ZFY: variants seen among roughly 807,000 people sequenced by gnomAD.
ZFY encodes zinc finger Y-chromosomal protein.
For missense variants in ZFY, 113 were observed against 170.9 expected, an observed-to-expected ratio of 0.66 and a Z score of 1.89; for synonymous variants, 47 against 55.8, an observed-to-expected ratio of 0.84 and a Z score of 0.71.
intron 1 of ZFY, among the ~76,000 whole-genome samples, chrY:2,947,906 C>T (rs2051266670): frequency 3.0e-5 from 1 of 33,762 alleles, no homozygotes; most frequent in African/African-American, 1.2e-4. Flanking sequence ...CTTTTTACAT[C>T]CATTCCCTAA....
intron 3 of ZFY, among the ~76,000 whole-genome samples, chrY:2,972,530 A>T (rs769305198): frequency 3.0e-5 from 1 of 33,809 alleles, no homozygotes; most frequent in Non-Finnish European, 7.3e-5. Flanking sequence ...CAGAGATTTC[A>T]AAATCTAAAT....
chrY:2,939,983 C>T (rs765701160), intron 1 of ZFY, among the ~76,000 whole-genome samples: 1 of 33,380 alleles, frequency 3.0e-5, no homozygotes, highest in African/African-American at 1.2e-4. Flanking sequence ...GATTTGCTCC[C>T]CTAACAGAAT....
chrY:2,946,057 A>T, intron 1 of ZFY, among the ~76,000 whole-genome samples: 1 of 33,184 alleles, frequency 3.0e-5, no homozygotes, highest in Non-Finnish European at 7.4e-5. Flanking sequence ...ATAATTTTTT[A>T]AAAAACTAGA....
At chrY:2,969,184 A>G in intron 3 of ZFY, among the ~76,000 whole-genome samples, 1 of 33,846 alleles carries the variant, frequency 3.0e-5, no homozygotes, top group Non-Finnish European at 7.3e-5. Context: ...TGATGGAAGT[A>G]TTAAATAAGT....
At chrY:2,938,143 A>G (rs868628558) in intron 1 of ZFY, among the ~76,000 whole-genome samples, 2 of 11,941 alleles carry the variant, frequency 1.7e-4, no homozygotes, top group South Asian at 2.5e-3. Flanking sequence ...GCCCGCCACC[A>G]CGCCGGGCTA....
chrY:2,941,431 T>A, intron 1 of ZFY, among the ~76,000 whole-genome samples: 1 of 33,139 alleles, frequency 3.0e-5, no homozygotes, highest in Non-Finnish European at 7.4e-5. Flanking sequence ...TACCAAATTC[T>A]TTCCACATTG....
In ZFY at chrY:2,980,867, C is replaced by A; in HGVS notation, c.*874C>A. On this transcript the variant is annotated 3_prime_UTR_variant, in exon 8 of 8. Coordinates refer to ENST00000155093, the MANE Select transcript of ZFY (RefSeq NM_003411.4). Reference sequence around the variant, plus strand: ...ATTTTAAACTTATGATGAAAATTTACAATAACCTGAAAGATCCAGAGATGT... The same window carrying A: ...ATTTTAAACTTATGATGAAAATTTAAAATAACCTGAAAGATCCAGAGATGT... The A allele has an allele frequency of 3.0e-5, 1 of 33,129 alleles. No homozygotes were observed. The highest frequency in any genetic ancestry group is 2.8e-4 in the Admixed American group (1 of 3,528). The allele number at this position is 33,129 out of a possible 400,897, so 8.3% of individuals were successfully genotyped here. A position where few individuals can be genotyped will look rare whatever the true frequency, so the allele number is the denominator to read the frequency against.
chrY:2,942,019 T>G (rs993502680), intron 1 of ZFY, among the ~76,000 whole-genome samples: 2 of 30,981 alleles, frequency 6.5e-5, no homozygotes, highest in Non-Finnish European at 1.6e-4. Context: ...CATTTCACCA[T>G]GTTGGCAAGG....
At chrY:2,945,162 G>GCT (rs2051258190) in intron 1 of ZFY, among the ~76,000 whole-genome samples, 2 of 32,834 alleles carry the variant, frequency 6.1e-5, no homozygotes, top group Non-Finnish European at 1.5e-4. Context: ...CTAGAAATAT[G>GCT]TTTATAAATA....
chrY:2,949,826 G>A, intron 1 of ZFY, among the ~76,000 whole-genome samples: 1 of 29,761 alleles, frequency 3.4e-5, no homozygotes, highest in Non-Finnish European at 8.0e-5. Flanking sequence ...CTCCATCCTG[G>A]GTGACAGAGC....
At chrY:2,972,058 CA>C (rs771756819) in intron 3 of ZFY, among the ~76,000 whole-genome samples, 8 of 7,034 alleles carry the variant, frequency 1.1e-3, no homozygotes, top group Admixed American at 8.9e-3. Context: ...ACTCCTATCT[CA>C]AAAAAAAAAA....
At chrY:2,949,103 C>G (rs750419443) in intron 1 of ZFY, among the ~76,000 whole-genome samples, 1 of 31,679 alleles carries the variant, frequency 3.2e-5, no homozygotes, top group African/African-American at 1.2e-4. Flanking sequence ...CTTGCCTTTG[C>G]TATTTCAAGT....
chrY:2,953,921 A>G lies in ZFY; in HGVS notation c.-16A>G. 3 of 387,306 alleles carry G rather than the reference A, an allele frequency of 7.7e-6. No homozygotes were observed. The highest frequency in any genetic ancestry group is 1.1e-5 in the Non-Finnish European group (3 of 276,617). ...TTCCCTGGTTTAGGAGCTGTGACTA[A>G]TGAGAATTAAAGGCCATGGATGAAG... On this transcript the variant is annotated 5_prime_UTR_variant, in exon 2 of 8. It removes an upstream start codon present in the reference 5' UTR. Transcript: ENST00000155093.
chrY:2,959,868 CT>C (rs2051303234), intron 2 of ZFY, among the ~76,000 whole-genome samples: 52 of 20,840 alleles, frequency 2.5e-3, no homozygotes, highest in East Asian at 0.021. Context: ...CTTTCCTTTT[CT>C]TTTTTTTTTT....
chrY:2,960,155 T>C lies in ZFY; in HGVS notation c.62-919T>C, dbSNP rs2267801. The stretch of plus-strand genomic sequence containing the variant: ...TCTTGGTTAAGTCATTTGATCTCAG[T>C]GGGCTTTAACTGGCTCTCACCCTTC... On this transcript the variant is annotated intron_variant, in intron 2 of 7. Coordinates refer to ENST00000155093, the MANE Select transcript of ZFY (RefSeq NM_003411.4). 0.013 allele frequency among the ~76,000 whole-genome samples: 420 copies of C among 32,995 alleles called. No homozygotes were observed. In the East Asian group the frequency reaches 0.31, roughly 25 times the overall value. 88.5% of individuals were successfully genotyped at this position (32,995 alleles called of 37,273 possible).
At chrY:2,973,632 T>A (rs2051356103) in intron 3 of ZFY, among the ~76,000 whole-genome samples, 1 of 32,889 alleles carries the variant, frequency 3.0e-5, no homozygotes, top group Admixed American at 2.8e-4. Flanking sequence ...GACCAAACAT[T>A]GAAAAATCCA....
At chrY:2,948,167 C>T (rs772762030) in intron 1 of ZFY, among the ~76,000 whole-genome samples, 11 of 33,801 alleles carry the variant, frequency 3.3e-4, no homozygotes, top group Non-Finnish European at 8.1e-4. Context: ...GATTATGATA[C>T]GGAGTACTGA....
At chrY:2,947,874 A>T in intron 1 of ZFY, among the ~76,000 whole-genome samples, 1 of 34,068 alleles carries the variant, frequency 2.9e-5, no homozygotes, top group Non-Finnish European at 7.3e-5. Flanking sequence ...CAATATATAA[A>T]AACAAAAGTT....
chrY:2,956,886 C>T, intron 2 of ZFY, among the ~76,000 whole-genome samples: 1 of 32,984 alleles, frequency 3.0e-5, no homozygotes, highest in African/African-American at 1.2e-4. Flanking sequence ...GTTTTTTCCA[C>T]ATAACCAAGG....
Sources: allele counts gnomAD v4.1 joint callset (sites outside exome capture counted in the v4.1 genomes callset), GRCh38; gene constraint gnomAD v4.1.1; transcripts MANE v1.5; gene names NCBI Gene and HGNC (gene_info 2026-07-23, HGNC 2026-07-21).